Variants in MAGI2 observed in about 807,000 individuals in gnomAD.
MAGI2 encodes membrane associated guanylate kinase, WW and PDZ domain containing 2.
In MAGI2, 35 loss-of-function variants were observed where a neutral mutation model predicts 133.3. The observed-to-expected ratio is 0.26, with a 90% CI of 0.20 to 0.35. The LOEUF (loss-of-function observed/expected upper bound fraction) is 0.35, where lower values mean the gene tolerates loss of function less well. Ranked by LOEUF, MAGI2 falls within the 10% of genes least tolerant of loss-of-function variation. MAGI2 has a pLI of 1.00. For synonymous variants in MAGI2, 729 were observed against 710.6 expected, an observed-to-expected ratio of 1.03 and a Z score of -0.41; for missense variants, 1,636 against 1,863.4, an observed-to-expected ratio of 0.88 and a Z score of 2.25.
intron 9 of MAGI2, among the ~76,000 whole-genome samples, chr7:78,268,422 C>A (rs1344698401): frequency 6.6e-6 from 1 of 152,086 alleles, no homozygotes; most frequent in Non-Finnish European, 1.5e-5. Context: ...GTGCTAAGAA[C>A]AATAACCGTA....
intron 1 of MAGI2, among the ~76,000 whole-genome samples, chr7:79,185,152 G>A (rs1460311688): frequency 6.6e-6 from 1 of 151,776 alleles, no homozygotes; most frequent in African/African-American, 2.4e-5. Flanking sequence ...AGAAATTGAT[G>A]CTGAGAGAAA....
At chr7:78,069,426 G>A (rs1033308702) in intron 21 of MAGI2, among the ~76,000 whole-genome samples, 1 of 152,078 alleles carries the variant, frequency 6.6e-6, no homozygotes, top group African/African-American at 2.4e-5. Flanking sequence ...GCAGGCATCT[G>A]TGTATTTAAA....
intron 6 of MAGI2, among the ~76,000 whole-genome samples, chr7:78,450,984 G>A (rs1050810764): frequency 5.9e-5 from 9 of 151,808 alleles, no homozygotes; most frequent in African/African-American, 2.2e-4. Context: ...GGCATGACAA[G>A]TAAGAAAAGA....
chr7:78,422,990 G>A (rs573630835), intron 6 of MAGI2, among the ~76,000 whole-genome samples: 1 of 152,182 alleles, frequency 6.6e-6, no homozygotes, highest in Admixed American at 6.5e-5. Flanking sequence ...TAAACAATTA[G>A]TTTTCCACCT....
intron 1 of MAGI2, among the ~76,000 whole-genome samples, chr7:79,320,768 G>A (rs796256417): frequency 7.9e-5 from 12 of 152,108 alleles, no homozygotes; most frequent in African/African-American, 2.9e-4. Flanking sequence ...GTATCCATAT[G>A]TTGATGACTT....
intron 2 of MAGI2, among the ~76,000 whole-genome samples, chr7:78,995,892 A>T (rs889231769): frequency 6.6e-6 from 1 of 152,134 alleles, no homozygotes; most frequent in Non-Finnish European, 1.5e-5. Flanking sequence ...GCCTGGTATC[A>T]GTCTGGTTAA....
intron 20 of MAGI2, among the ~76,000 whole-genome samples, chr7:78,100,337 C>T (rs1224251901): frequency 3.3e-5 from 5 of 152,058 alleles, no homozygotes; most frequent in Non-Finnish European, 1.5e-5. Context: ...GCTTGTTCCA[C>T]ATCCTCCTTG....
At chr7:79,199,078 C>T (rs1044335700) in intron 1 of MAGI2, among the ~76,000 whole-genome samples, 12 of 151,892 alleles carry the variant, frequency 7.9e-5, no homozygotes, top group South Asian at 4.2e-4. Flanking sequence ...ACAAATTAAA[C>T]ATTACGAAAT....
intron 7 of MAGI2, chr7:78,347,080 C>G (rs867834656): frequency 6.6e-6 from 1 of 152,198 alleles, no homozygotes; most frequent in African/African-American, 2.4e-5. Context: ...TCACATGTCT[C>G]GTAAGTGGAA....
chr7:78,588,167 T>C lies in MAGI2; in HGVS notation c.538+38953A>G, dbSNP rs561413905. Reference sequence around the variant, plus strand: ...CCCAGAATAGGTGCTTGTTCAACGTTAGCCCTCTTTTCTCTCCACCCGACA... The same window carrying C: ...CCCAGAATAGGTGCTTGTTCAACGTCAGCCCTCTTTTCTCTCCACCCGACA... On this transcript the variant is annotated intron_variant, in intron 3 of 21. Transcript: ENST00000354212. 1.3e-5 allele frequency among the ~76,000 whole-genome samples: 2 copies of C among 152,246 alleles called. 1 individual carries two copies.
At chr7:78,616,270 T>C (rs1204999051) in intron 3 of MAGI2, 1 of 152,228 alleles carries the variant, frequency 6.6e-6, no homozygotes, top group Non-Finnish European at 1.5e-5. Context: ...TTTAACCTCA[T>C]TACTTTTTTT....
At chr7:79,382,924 T>C (rs1843903846) in intron 1 of MAGI2, among the ~76,000 whole-genome samples, 1 of 151,506 alleles carries the variant, frequency 6.6e-6, no homozygotes, top group Non-Finnish European at 1.5e-5. Flanking sequence ...GAAAAACAAA[T>C]CTTTGTAGTT....
intron 6 of MAGI2, among the ~76,000 whole-genome samples, chr7:78,375,012 T>G (rs534125745): frequency 6.6e-5 from 10 of 152,024 alleles, no homozygotes; most frequent in African/African-American, 2.4e-4. Flanking sequence ...GCTATTTTTT[T>G]TTGTATTTTT....
At chr7:78,794,615 AAC>A (rs1257664416) in intron 2 of MAGI2, among the ~76,000 whole-genome samples, 19 of 152,016 alleles carry the variant, frequency 1.2e-4, no homozygotes, top group East Asian at 3.8e-4. Flanking sequence ...AAAAAAAAAA[AAC>A]AATCCAAATT....
chr7:79,187,803 C>T (rs988847801), intron 1 of MAGI2, among the ~76,000 whole-genome samples: 7 of 151,864 alleles, frequency 4.6e-5, no homozygotes, highest in African/African-American at 1.5e-4. Flanking sequence ...TGTCATTTTA[C>T]TTATTCCTAA....
intron 1 of MAGI2, among the ~76,000 whole-genome samples, chr7:79,343,702 G>A (rs1841084408): frequency 6.6e-6 from 1 of 152,068 alleles, no homozygotes; most frequent in Admixed American, 6.6e-5. Flanking sequence ...GCTAGGAATA[G>A]TTTCTTATGT....
rs367920302 is a variant in MAGI2 at position 79,367,858 on chromosome 7, C to CATATAT, written c.301+85156_301+85161dup. Among the ~76,000 whole-genome samples the CATATAT allele has an allele frequency of 5.6e-4, 49 of 87,138 alleles. 5 individuals are homozygous for CATATAT. Among genetic ancestry groups the CATATAT allele is most frequent in the Middle Eastern group, 0.012 (2 of 168 alleles). The allele number at this position is 87,138 out of a possible 152,430, so 57.2% of individuals were successfully genotyped here. ...CATATATATATGCTTATATATGTGA[C>CATATAT]ATATATATATATATATATGTCATTG... On this transcript the variant is annotated intron_variant, in intron 1 of 21. Transcript: ENST00000354212.
intron 2 of MAGI2, among the ~76,000 whole-genome samples, chr7:78,992,078 C>G (rs1351574136): frequency 6.6e-6 from 1 of 152,020 alleles, no homozygotes; most frequent in Admixed American, 6.6e-5. Context: ...ATCAAAGCAA[C>G]TAATCTGGTC....
intron 1 of MAGI2, among the ~76,000 whole-genome samples, chr7:79,135,938 CGAAAGAAAGAAAGAAA>C (rs869064064): frequency 1.6e-5 from 1 of 63,070 alleles, no homozygotes; most frequent in African/African-American, 8.9e-5. Context: ...AAAATCCTCT[CGAAAGAAAGAAAGAAA>C]GAAAGAAAGA....
Sources: gnomAD v4.1 joint callset for allele counts (sites outside exome capture counted in the v4.1 genomes callset) on GRCh38, gnomAD v4.1.1 for gene constraint, MANE v1.5 for transcripts, NCBI Gene and HGNC (gene_info 2026-07-23, HGNC 2026-07-21) for gene names.